Variants in EBAG9 observed in about 807,000 individuals in gnomAD.
EBAG9 encodes the protein receptor-binding cancer antigen expressed on SiSo cells.
Under a neutral mutation model 30.9 loss-of-function variants are expected in EBAG9, and 16 were observed. That is an observed-to-expected ratio of 0.52 (90% CI 0.35 to 0.79). The LOEUF is 0.79. Among genes scored for constraint, EBAG9 ranks in the 30% least tolerant of loss-of-function variants. The pLI is 0.01. For synonymous variants in EBAG9, 93 were observed against 82.8 expected (o/e 1.12, Z -0.67); for missense variants, 197 against 242.1 (o/e 0.81, Z 1.24).
Position 109,556,918 on chromosome 8 carries a change from T to G in EBAG9, c.322-17T>G. On this transcript the variant is annotated splice_polypyrimidine_tract_variant and intron_variant, in intron 4 of 6. Coordinates refer to ENST00000337573, the MANE Select transcript of EBAG9 (RefSeq NM_004215.5). ...TTGTAAAAGATCCCTATAATTCTTT[T>G]TCAATTAATCTTTCAGATTGTTATT... 6.8e-7 allele frequency: 1 copy of G among 1,469,714 alleles called. No homozygotes were observed. The highest frequency in any genetic ancestry group is 9.3e-7 in the Non-Finnish European group (1 of 1,074,882). 91.0% of individuals were successfully genotyped at this position (1,469,714 alleles called of 1,614,324 possible). A position where few individuals can be genotyped will look rare whatever the true frequency, so the allele number is the denominator to read the frequency against.
chr8:109,546,394 G>A lies in EBAG9; in HGVS notation c.-15-4416G>A, dbSNP rs1216616090. 5.9e-5 allele frequency among the ~76,000 whole-genome samples: 9 copies of A among 152,166 alleles called. No individual in the cohort carries two copies. The East Asian group carries it at 1.5e-3, about 26-fold the overall frequency. Reference sequence around the variant, plus strand: ...CTATGAAACCACCACAACTGAAGCCGTAAGTATATCCATTACCTCCAAAAG... The same window carrying A: ...CTATGAAACCACCACAACTGAAGCCATAAGTATATCCATTACCTCCAAAAG... On this transcript the variant is annotated intron_variant, in intron 1 of 6. Transcript: ENST00000337573.
intron 2 of EBAG9, 71 bp from the exon 3 acceptor site, chr8:109,553,794 C>A: frequency 8.7e-7 from 1 of 1,154,660 alleles, no homozygotes; most frequent in South Asian, 1.5e-5. Flanking sequence ...CTTCAATTAC[C>A]ATACATAATA....
chr8:109,550,356 A>T (rs1245647547), intron 1 of EBAG9: 1 of 153,098 alleles, frequency 6.5e-6, no homozygotes, highest in African/African-American at 2.4e-5. Flanking sequence ...ACTTTGGTCA[A>T]GTTATTTGAC....
chr8:109,565,638 C>T lies in EBAG9; in HGVS notation c.*1079C>T, dbSNP rs1821812170. The T allele has an allele frequency of 6.6e-6, 1 of 151,988 alleles. No homozygotes were observed. Among genetic ancestry groups the T allele is most frequent in the Non-Finnish European group, 1.5e-5 (1 of 67,934 alleles). The allele number at this position is 151,988 out of a possible 1,614,324, so 9.4% of individuals were successfully genotyped here. ...CTTCATAGTTTAAAATCCCATTAACCTTTTCACCGCAGTTGAAATGCATCC... is the reference window on the plus strand; with the variant it reads ...CTTCATAGTTTAAAATCCCATTAACTTTTTCACCGCAGTTGAAATGCATCC... On this transcript the variant is annotated 3_prime_UTR_variant, in exon 7 of 7. Coordinates refer to ENST00000337573, the MANE Select transcript of EBAG9 (RefSeq NM_004215.5).
chr8:109,562,958 T>A lies in EBAG9; in HGVS notation c.522-1481T>A, dbSNP rs1170165354. Reference sequence around the variant, plus strand: ...TATATTATTTCAGCTAGTAACCAGGTCAAAACTTCGTTATCTTACTTGTTT... The same window carrying A: ...TATATTATTTCAGCTAGTAACCAGGACAAAACTTCGTTATCTTACTTGTTT... On this transcript the variant is annotated intron_variant, in intron 6 of 6. Coordinates refer to ENST00000337573, the MANE Select transcript of EBAG9 (RefSeq NM_004215.5). 2.6e-5 allele frequency among the ~76,000 whole-genome samples: 4 copies of A among 152,050 alleles called. 1 individual carries two copies. Among genetic ancestry groups the A allele is most frequent in the Non-Finnish European group, 5.9e-5 (4 of 67,966 alleles).
chr8:109,543,135 C>CTTTTTTTTTTTTTTTTTTTTTTTTTTT (rs557388998), intron 1 of EBAG9, among the ~76,000 whole-genome samples: 5 of 52,860 alleles, frequency 9.5e-5, no homozygotes, highest in Non-Finnish European at 2.5e-4. Context: ...TATTCTGGTT[C>CTTTTTTTTTTTTTTTTTTTTTTTTTTT]TTTTTTTTTT....
intron 6 of EBAG9, chr8:109,563,515 T>TA: frequency 1.9e-6 from 3 of 1,597,002 alleles, no homozygotes; most frequent in Non-Finnish European, 2.5e-6. Context: ...TCAGTGGAGT[T>TA]ACGGAAAGAG....
rs200319904 is a variant in EBAG9, at chr8:109,564,476, G to A, written c.559G>A (p.Glu187Lys). 2.8e-5 allele frequency: 45 copies of A among 1,612,464 alleles called. No homozygotes were observed. In the East Asian group the frequency reaches 4.7e-4, roughly 17 times the overall value. Residue 187 changes from glutamate to lysine, a missense_variant, in exon 7 of 7, where the codon GAA becomes AAA. Physicochemically the swap from Glu to Lys is moderately conservative, Grantham distance 56. Coordinates refer to ENST00000337573, the MANE Select transcript of EBAG9 (RefSeq NM_004215.5). ...KLADREKRAA[E>K]QQRKKMEKEA... is the part of the protein sequence containing the mutation. ...AGCAGACAGAGAAAAGAGAGCAGCCGAACAACAAAGGAAGAAAATGGAAAA... is the reference window on the plus strand; with the variant it reads ...AGCAGACAGAGAAAAGAGAGCAGCCAAACAACAAAGGAAGAAAATGGAAAA...
At chr8:109,561,587 AC>A (rs1821711739) in intron 6 of EBAG9, among the ~76,000 whole-genome samples, 1 of 152,206 alleles carries the variant, frequency 6.6e-6, no homozygotes, top group African/African-American at 2.4e-5. Context: ...GTGACTGATT[AC>A]TGCTTTTTAA....
chr8:109,564,553 T>G lies in EBAG9; in HGVS notation c.636T>G (p.Leu212=), dbSNP rs759235494. Residue 212 remains leucine (L), a synonymous_variant, in exon 7 of 7, where the codon CTT becomes CTG. Transcript: ENST00000337573. Reference sequence around the variant, plus strand: ...AACAAAACAAAATTGGTGTGAAACTTTCATAACACATGTTCAAATTTTATC... The same window carrying G: ...AACAAAACAAAATTGGTGTGAAACTGTCATAACACATGTTCAAATTTTATC... ...KKEQNKIGVK[L]S 2.1e-5 allele frequency: 34 copies of G among 1,611,662 alleles called. No homozygotes were observed. The highest frequency in any genetic ancestry group is 2.2e-5 in the Non-Finnish European group (26 of 1,178,492).
chr8:109,552,997 T>C (rs941045190), intron 2 of EBAG9, among the ~76,000 whole-genome samples: 2 of 152,120 alleles, frequency 1.3e-5, no homozygotes, highest in African/African-American at 4.8e-5. Context: ...CTATTCACCC[T>C]TTAAACAAAT....
chr8:109,548,895 T>C (rs1432208011), intron 1 of EBAG9, among the ~76,000 whole-genome samples: 1 of 149,646 alleles, frequency 6.7e-6, no homozygotes, highest in Non-Finnish European at 1.5e-5. Flanking sequence ...TTCTTTTTTT[T>C]TTTTTTTTTG....
chr8:109,551,009 T>C, intron 2 of EBAG9, 102 bp downstream of exon 2: 2 of 684,136 alleles, frequency 2.9e-6, no homozygotes, highest in Middle Eastern at 5.1e-4. Flanking sequence ...ATATTTAAGC[T>C]GAATATCTTG....
intron 2 of EBAG9, among the ~76,000 whole-genome samples, chr8:109,551,198 G>A (rs1474664305): frequency 6.6e-6 from 1 of 151,726 alleles, no homozygotes; most frequent in African/African-American, 2.4e-5. Flanking sequence ...AATCATCACA[G>A]AACTTTGATG....
chr8:109,552,065 C>T (rs1341265833), intron 2 of EBAG9, among the ~76,000 whole-genome samples: 1 of 151,840 alleles, frequency 6.6e-6, no homozygotes, highest in African/African-American at 2.4e-5. Flanking sequence ...AAATGGACAG[C>T]AATCAGCTCT....
intron 5 of EBAG9, among the ~76,000 whole-genome samples, chr8:109,560,166 T>G (rs1821682747): frequency 2.0e-5 from 3 of 152,190 alleles, no homozygotes; most frequent in African/African-American, 2.4e-5. Context: ...TCATTGGTTA[T>G]TGAAAGAAAA....
intron 1 of EBAG9, among the ~76,000 whole-genome samples, chr8:109,546,825 T>C (rs986831667): frequency 5.9e-5 from 9 of 152,180 alleles, no homozygotes; most frequent in African/African-American, 1.7e-4. Flanking sequence ...TTCAGTATAA[T>C]TATTCTGAGA....
At chr8:109,550,949 G>T (rs764639731) in intron 2 of EBAG9, 42 bp downstream of exon 2, 2 of 1,371,506 alleles carry the variant, frequency 1.5e-6, no homozygotes, top group African/African-American at 1.4e-5. Flanking sequence ...TTATCTCCTC[G>T]CTGGTTTTGG....
intron 1 of EBAG9, among the ~76,000 whole-genome samples, chr8:109,542,140 C>T (rs1005194052): frequency 6.6e-6 from 1 of 152,090 alleles, no homozygotes; most frequent in African/African-American, 2.4e-5. Flanking sequence ...TTTGATAGTG[C>T]ATGGTTCATA....
Sources: allele counts gnomAD v4.1 joint callset (sites outside exome capture counted in the v4.1 genomes callset), GRCh38; gene constraint gnomAD v4.1.1; transcripts MANE v1.5; gene names NCBI Gene and HGNC (gene_info 2026-07-23, HGNC 2026-07-21).